THSD4: variants seen among roughly 807,000 people sequenced by gnomAD.
THSD4 encodes the protein thrombospondin type-1 domain-containing protein 4.
A neutral mutation model predicts 119.0 loss-of-function variants in THSD4; 69 were observed. That is an observed-to-expected ratio of 0.58 (90% CI 0.48 to 0.71). The LOEUF is 0.71. THSD4 is among the 30% of genes least tolerant of loss of function. The pLI is 0.00. For synonymous variants in THSD4, 524 were observed against 540.4 expected (o/e 0.97, Z 0.42); for missense variants, 1,393 against 1,391.1 (o/e 1.00, Z -0.02).
At position 71,640,797 on chromosome 15, in the gene THSD4, ATCTCT is replaced by A. The variant is rs889933928; in HGVS notation, c.1153-19731_1153-19727del. The stretch of plus-strand genomic sequence containing the variant: ...TCCAATTCCACCTACCATGTGGTTC[ATCTCT>A]TGTTTATCTCCCCAGCTAGATATTA... On this transcript the variant is annotated intron_variant, in intron 7 of 17. Transcript: ENST00000261862. Among the ~76,000 whole-genome samples the A allele has an allele frequency of 3.9e-5, 6 of 152,144 alleles. No individual in the cohort carries two copies. In the East Asian group the frequency reaches 1.2e-3, roughly 29 times the overall value.
chr15:71,710,811 T>C (rs186108847), intron 8 of THSD4, among the ~76,000 whole-genome samples: 21 of 152,208 alleles, frequency 1.4e-4, no homozygotes, highest in African/African-American at 4.6e-4. Flanking sequence ...ACTCTAGTTC[T>C]GTATCAAAGC....
intron 6 of THSD4, among the ~76,000 whole-genome samples, chr15:71,289,274 G>A (rs981936290): frequency 2.6e-5 from 4 of 152,154 alleles, no homozygotes; most frequent in African/African-American, 9.7e-5. Context: ...TAGGGAGGTG[G>A]CACTGCTGGG....
At chr15:71,273,374 C>T (rs2044555278) in intron 6 of THSD4, among the ~76,000 whole-genome samples, 1 of 151,984 alleles carries the variant, frequency 6.6e-6, no homozygotes, top group Non-Finnish European at 1.5e-5. Flanking sequence ...ATGGCAGTTA[C>T]CAGAGGCTGA....
intron 8 of THSD4, among the ~76,000 whole-genome samples, chr15:71,696,359 C>T (rs1567106226): frequency 6.6e-6 from 1 of 152,112 alleles, no homozygotes; most frequent in East Asian, 1.9e-4. Context: ...TGGGAACTAA[C>T]CCCTTTACAC....
At chr15:71,625,786 G>A in intron 7 of THSD4, among the ~76,000 whole-genome samples, 1 of 152,208 alleles carries the variant, frequency 6.6e-6, no homozygotes, top group East Asian at 1.9e-4. Context: ...TGCTCAGGGA[G>A]CTCACAATTC....
At chr15:71,653,068 G>C (rs2051123133) in intron 7 of THSD4, among the ~76,000 whole-genome samples, 1 of 152,138 alleles carries the variant, frequency 6.6e-6, no homozygotes, top group African/African-American at 2.4e-5. Flanking sequence ...GGTTGGTCCT[G>C]TAACTTTGAT....
chr15:71,473,203 A>T (rs1251330365), intron 7 of THSD4, among the ~76,000 whole-genome samples: 1 of 151,886 alleles, frequency 6.6e-6, no homozygotes, highest in African/African-American at 2.4e-5. Flanking sequence ...GGCTACAGGC[A>T]CACACTACCA....
intron 3 of THSD4, among the ~76,000 whole-genome samples, chr15:71,172,602 G>A (rs2043380163): frequency 6.9e-6 from 1 of 143,944 alleles, no homozygotes; most frequent in Non-Finnish European, 1.5e-5. Context: ...ATTAGCTCCA[G>A]TAATCAAGAT....
At chr15:71,222,293 G>A (rs576623397) in intron 4 of THSD4, among the ~76,000 whole-genome samples, 12 of 152,120 alleles carry the variant, frequency 7.9e-5, no homozygotes, top group Non-Finnish European at 1.6e-4. Flanking sequence ...AGGACTTCAG[G>A]TGATTTTTTT....
chr15:71,548,639 G>T (rs370789758), intron 7 of THSD4, among the ~76,000 whole-genome samples: 30 of 152,308 alleles, frequency 2.0e-4, no homozygotes, highest in African/African-American at 7.2e-4. Context: ...CTGGGCCTGT[G>T]GGGGGATTGA....
At chr15:71,434,949 T>C (rs1315717371) in intron 7 of THSD4, among the ~76,000 whole-genome samples, 1 of 152,132 alleles carries the variant, frequency 6.6e-6, no homozygotes, top group Admixed American at 6.5e-5. Context: ...GTATGATTCA[T>C]CTCTAAAGAG....
rs773313610 is a variant in THSD4, at chr15:71,737,967, G to A, written c.1866G>A (p.Lys622=). Residue 622 remains lysine, a synonymous_variant, in exon 11 of 18, where the codon AAG becomes AAA. Transcript: ENST00000261862. ...PPRRSRDHNW[K]QLGTTECSTT... is the part of the protein sequence containing the mutation. The stretch of plus-strand genomic sequence containing the variant: ...GGCGCAGCCGGGATCACAACTGGAA[G>A]CAGCTTGGGACAACAGAATGTTCCA... 13 of 1,613,978 alleles carry A rather than the reference G, an allele frequency of 8.1e-6. No homozygotes were observed. Among genetic ancestry groups the A allele is most frequent in the Non-Finnish European group, 1.1e-5 (13 of 1,179,886 alleles).
intron 7 of THSD4, among the ~76,000 whole-genome samples, chr15:71,629,480 T>G (rs2050577235): frequency 6.6e-6 from 1 of 152,158 alleles, no homozygotes; most frequent in African/African-American, 2.4e-5. Context: ...GTGTTCCCTG[T>G]GTCTTTCAGG....
intron 1 of THSD4, among the ~76,000 whole-genome samples, chr15:71,101,015 AAAAATAAAAT>A (rs979391141): frequency 6.6e-6 from 1 of 151,898 alleles, no homozygotes; most frequent in Non-Finnish European, 1.5e-5. Flanking sequence ...AAGTAAAATA[AAAAATAAAAT>A]AAAATAAAAT....
intron 7 of THSD4, among the ~76,000 whole-genome samples, chr15:71,594,751 G>A (rs551617648): frequency 6.6e-6 from 1 of 152,218 alleles, no homozygotes; most frequent in Non-Finnish European, 1.5e-5. Flanking sequence ...ATTGTGTGAT[G>A]TGCATGAGGG....
intron 8 of THSD4, among the ~76,000 whole-genome samples, chr15:71,727,563 T>A (rs1243427099): frequency 6.7e-5 from 8 of 119,210 alleles, no homozygotes; most frequent in African/African-American, 3.5e-4. Context: ...AATATATATA[T>A]ATATATATAT....
At chr15:71,297,383 T>G (rs1409921830) in intron 6 of THSD4, among the ~76,000 whole-genome samples, 5 of 149,790 alleles carry the variant, frequency 3.3e-5, no homozygotes, top group Non-Finnish European at 7.4e-5. Context: ...TAACCCAGAC[T>G]GGAGTGCAGT....
At chr15:71,298,764 C>T (rs552301473) in intron 6 of THSD4, among the ~76,000 whole-genome samples, 24 of 152,202 alleles carry the variant, frequency 1.6e-4, no homozygotes, top group African/African-American at 5.3e-4. Flanking sequence ...AGGCACACGC[C>T]GCCACACCCG....
intron 8 of THSD4, among the ~76,000 whole-genome samples, chr15:71,708,742 C>G (rs1160430562): frequency 6.6e-6 from 1 of 152,148 alleles, no homozygotes; most frequent in African/African-American, 2.4e-5. Context: ...TGGTTTTTGG[C>G]TGAGCCATGC....
Sources: gnomAD v4.1 joint callset for allele counts (sites outside exome capture counted in the v4.1 genomes callset) on GRCh38, gnomAD v4.1.1 for gene constraint, MANE v1.5 for transcripts, NCBI Gene and HGNC (gene_info 2026-07-23, HGNC 2026-07-21) for gene names.